The following CNTN4 variants were observed in gnomAD, a reference collection of about 807,000 sequenced individuals.
The protein encoded by CNTN4 is contactin-4.
In CNTN4, 77 loss-of-function variants were observed where a neutral mutation model predicts 122.5. The ratio of observed to expected loss-of-function variants is 0.63; its 90% CI spans 0.52 to 0.76. The LOEUF (loss-of-function observed/expected upper bound fraction) is 0.76, where lower values mean the gene tolerates loss of function less well. Ranked by LOEUF, CNTN4 falls within the 30% of genes least tolerant of loss-of-function variation. CNTN4 has a pLI of 0.00. For synonymous variants in CNTN4, 512 were observed against 447.0 expected (o/e 1.15, Z -1.83); for missense variants, 1,256 against 1,259.1 (o/e 1.00, Z 0.04).
chr3:2,534,880 G>A (rs1466966486), intron 3 of CNTN4, among the ~76,000 whole-genome samples: 3 of 140,200 alleles, frequency 2.1e-5, no homozygotes, highest in Non-Finnish European at 4.7e-5. Flanking sequence ...TGTGAGTTTA[G>A]GTGGCTGTGG....
intron 2 of CNTN4, among the ~76,000 whole-genome samples, chr3:2,338,723 G>A (rs2044060922): frequency 6.6e-6 from 1 of 152,062 alleles, no homozygotes; most frequent in Non-Finnish European, 1.5e-5. Flanking sequence ...TACAATTTAT[G>A]TGAAGAGTGT....
intron 2 of CNTN4, among the ~76,000 whole-genome samples, chr3:2,228,150 T>C (rs2039355197): frequency 6.6e-6 from 1 of 152,148 alleles, no homozygotes; most frequent in Non-Finnish European, 1.5e-5. Flanking sequence ...CAAATAATTA[T>C]GTATTTAATT....
intron 2 of CNTN4, among the ~76,000 whole-genome samples, chr3:2,146,495 A>C (rs895580995): frequency 1.3e-5 from 2 of 152,180 alleles, no homozygotes; most frequent in Non-Finnish European, 2.9e-5. Flanking sequence ...ACATATAAAC[A>C]CATATATATG....
intron 2 of CNTN4, among the ~76,000 whole-genome samples, chr3:2,337,947 G>A (rs1244128208): frequency 1.3e-5 from 2 of 151,964 alleles, no homozygotes; most frequent in Non-Finnish European, 1.5e-5. Flanking sequence ...AAAGATAGGT[G>A]TTTAGATACA....
intron 4 of CNTN4, among the ~76,000 whole-genome samples, chr3:2,576,586 C>G (rs2079699359): frequency 7.3e-6 from 1 of 137,020 alleles, no homozygotes; most frequent in Non-Finnish European, 1.5e-5. Context: ...CTTGCTCTGT[C>G]TTCCAGGCTG....
At position 2,611,309 on chromosome 3, in the gene CNTN4, A is replaced by G. The variant is rs1457112595; in HGVS notation, c.55+39751A>G. ...CAGCACCTGGAACCAAAAAAAAAAAAAAAGAAAGAAAGAAAGAAACAAAAA... is the reference window on the plus strand; with the variant it reads ...CAGCACCTGGAACCAAAAAAAAAAAGAAAGAAAGAAAGAAAGAAACAAAAA... On this transcript the variant is annotated intron_variant, in intron 4 of 24. Transcript: ENST00000418658. Among the ~76,000 whole-genome samples the G allele has an allele frequency of 1.4e-4, 19 of 138,086 alleles. 1 individual carries two copies. Among genetic ancestry groups the G allele is most frequent in the South Asian group, 4.4e-4 (2 of 4,502 alleles). 90.6% of individuals were successfully genotyped at this position (138,086 alleles called of 152,430 possible).
intron 4 of CNTN4, among the ~76,000 whole-genome samples, chr3:2,724,384 G>A (rs2088068743): frequency 6.6e-6 from 1 of 152,226 alleles, no homozygotes; most frequent in African/African-American, 2.4e-5. Context: ...TAGACATCAT[G>A]ATAGCCCTAT....
At chr3:2,240,852 T>C (rs2039906524) in intron 2 of CNTN4, among the ~76,000 whole-genome samples, 1 of 152,176 alleles carries the variant, frequency 6.6e-6, no homozygotes, top group African/African-American at 2.4e-5. Context: ...ACAGGGAGTT[T>C]TTTCCTGTGT....
chr3:2,458,692 G>A (rs1013095346), intron 3 of CNTN4, among the ~76,000 whole-genome samples: 1 of 152,034 alleles, frequency 6.6e-6, no homozygotes, highest in African/African-American at 2.4e-5. Context: ...ATAAAGACAA[G>A]CCAAATGGTT....
chr3:2,322,052 T>G (rs1336248193), intron 2 of CNTN4, among the ~76,000 whole-genome samples: 1 of 152,200 alleles, frequency 6.6e-6, no homozygotes, highest in African/African-American at 2.4e-5. Context: ...TCAGGAGCAG[T>G]GTTCATACAT....
intron 3 of CNTN4, among the ~76,000 whole-genome samples, chr3:2,516,834 TG>T (rs906377884): frequency 9.9e-5 from 15 of 152,106 alleles, no homozygotes; most frequent in African/African-American, 3.6e-4. Flanking sequence ...GCCAGGCATT[TG>T]GCACAGGGGA....
chr3:2,210,116 G>A (rs1000213140), intron 2 of CNTN4, among the ~76,000 whole-genome samples: 2 of 152,010 alleles, frequency 1.3e-5, no homozygotes, highest in African/African-American at 4.8e-5. Context: ...TCTATCCAAT[G>A]TTGTTCACCA....
At chr3:2,160,073 A>G (rs1179963792) in intron 2 of CNTN4, among the ~76,000 whole-genome samples, 1 of 152,176 alleles carries the variant, frequency 6.6e-6, no homozygotes, top group East Asian at 1.9e-4. Context: ...GTCTAGTTAA[A>G]TGCATAGTTT....
intron 13 of CNTN4, among the ~76,000 whole-genome samples, chr3:2,976,964 C>G (rs528581024): frequency 6.6e-6 from 1 of 151,938 alleles, no homozygotes; most frequent in East Asian, 1.9e-4. Flanking sequence ...ATCTGCCAGG[C>G]TTTTCTAATT....
chr3:2,351,097 A>G (rs2044594906), intron 3 of CNTN4, among the ~76,000 whole-genome samples: 1 of 152,202 alleles, frequency 6.6e-6, no homozygotes, highest in Admixed American at 6.5e-5. Context: ...TGACTGCTGA[A>G]GCTCAAGTTC....
At chr3:2,696,736 G>A (rs976192887) in intron 4 of CNTN4, among the ~76,000 whole-genome samples, 19 of 152,200 alleles carry the variant, frequency 1.2e-4, no homozygotes, top group African/African-American at 4.6e-4. Flanking sequence ...TTTGCCATTT[G>A]AGGATGCTTC....
chr3:2,787,496 A>G (rs2091874677), intron 6 of CNTN4, among the ~76,000 whole-genome samples: 2 of 152,244 alleles, frequency 1.3e-5, no homozygotes, highest in South Asian at 2.1e-4. Flanking sequence ...AATTATTGCT[A>G]TAAAAGCCAT....
chr3:2,299,683 C>T (rs1017963828), intron 2 of CNTN4, among the ~76,000 whole-genome samples: 1 of 151,966 alleles, frequency 6.6e-6, no homozygotes, highest in Non-Finnish European at 1.5e-5. Context: ...AGAAATTTAA[C>T]GTGTGTACAC....
Position 2,517,261 on chromosome 3 carries a change from G to A in CNTN4, c.-88-54155G>A, listed in dbSNP as rs76711261. Among the ~76,000 whole-genome samples the A allele has an allele frequency of 7.7e-3, 1,172 of 152,224 alleles. 9 individuals are homozygous for A. Among genetic ancestry groups the A allele is most frequent in the African/African-American group, 0.023 (943 of 41,546 alleles). On this transcript the variant is annotated intron_variant, in intron 3 of 24. Transcript: ENST00000418658. ...GTCAGTCTGTCTTATTTCAGTGAGT[G>A]TTTCTGGAGTAGTTAATGGGGATAT...
Sources: allele counts gnomAD v4.1 joint callset (sites outside exome capture counted in the v4.1 genomes callset), GRCh38; gene constraint gnomAD v4.1.1; transcripts MANE v1.5; gene names NCBI Gene and HGNC (gene_info 2026-07-23, HGNC 2026-07-21).